KDM4B: variants seen among roughly 807,000 people sequenced by gnomAD.
KDM4B encodes lysine-specific demethylase 4B.
KDM4B carries 32 observed loss-of-function variants against 125.2 expected under a neutral mutation model. That is an observed-to-expected ratio of 0.26 (90% CI 0.19 to 0.34). The LOEUF is 0.34. Among genes scored for constraint, KDM4B ranks in the 10% least tolerant of loss-of-function variants. KDM4B has a pLI of 1.00. For synonymous variants in KDM4B, 721 were observed against 677.9 expected (o/e 1.06, Z -0.99); for missense variants, 1,190 against 1,577.7 (o/e 0.75, Z 4.16).
intron 1 of KDM4B, among the ~76,000 whole-genome samples, chr19:4,974,974 C>T (rs970703517): frequency 6.6e-6 from 1 of 152,102 alleles, no homozygotes; most frequent in African/African-American, 2.4e-5. Flanking sequence ...CCTGCCCGCC[C>T]TTCCCTGCCG....
At chr19:5,129,574 C>T (rs1456630138) in intron 11 of KDM4B, among the ~76,000 whole-genome samples, 2 of 152,042 alleles carry the variant, frequency 1.3e-5, no homozygotes, top group Non-Finnish European at 1.5e-5. Context: ...ATTTTTCCAG[C>T]CTGTTGGGGG....
intron 3 of KDM4B, among the ~76,000 whole-genome samples, chr19:5,034,145 C>G (rs997459476): frequency 9.2e-5 from 14 of 152,126 alleles, no homozygotes; most frequent in Non-Finnish European, 2.9e-5. Context: ...CAAAACAAAA[C>G]AAACTTAAAA....
At chr19:5,020,629 G>A (rs79328032) in intron 2 of KDM4B, among the ~76,000 whole-genome samples, 7,722 of 152,274 alleles carry the variant, frequency 0.051, 233 homozygotes, top group Admixed American at 0.089. Flanking sequence ...GGGGAAGGGG[G>A]TCCCACTGCA....
At chr19:4,980,580 C>A (rs1231089954) in intron 1 of KDM4B, among the ~76,000 whole-genome samples, 1 of 151,896 alleles carries the variant, frequency 6.6e-6, no homozygotes, top group Non-Finnish European at 1.5e-5. Flanking sequence ...CCTGCCACCA[C>A]ACCCGGCTAA....
At chr19:5,024,666 T>C (rs1323290631) in intron 2 of KDM4B, among the ~76,000 whole-genome samples, 1 of 151,108 alleles carries the variant, frequency 6.6e-6, no homozygotes, top group Admixed American at 6.6e-5. Context: ...AAAAAGGCTT[T>C]AAGGCCAGGT....
chr19:5,000,874 G>A (rs941419718), intron 1 of KDM4B, among the ~76,000 whole-genome samples: 24 of 152,148 alleles, frequency 1.6e-4, no homozygotes, highest in Non-Finnish European at 3.1e-4. Context: ...CATGGTTCCA[G>A]AGTCAGGACT....
At chr19:5,062,467 C>T (rs1385110321) in intron 6 of KDM4B, among the ~76,000 whole-genome samples, 16 of 152,178 alleles carry the variant, frequency 1.1e-4, no homozygotes, top group Admixed American at 1.0e-3. Flanking sequence ...GGGGTTTTAC[C>T]CAGGGAGGCA....
intron 10 of KDM4B, among the ~76,000 whole-genome samples, chr19:5,113,736 A>G (rs901210380): frequency 6.6e-6 from 1 of 152,144 alleles, no homozygotes; most frequent in Non-Finnish European, 1.5e-5. Flanking sequence ...ACAACCACAG[A>G]TGTCCCTAGA....
intron 1 of KDM4B, among the ~76,000 whole-genome samples, chr19:5,010,457 TG>T (rs2035692927): frequency 6.6e-6 from 1 of 152,234 alleles, no homozygotes; most frequent in African/African-American, 2.4e-5. Flanking sequence ...ACTTTGAGCC[TG>T]TGAACATGTC....
At position 5,135,527 on chromosome 19, in the gene KDM4B, C is replaced by A. The variant is rs764335907; in HGVS notation, c.2274C>A (p.Ile758=). Residue 758 remains isoleucine (I), a synonymous_variant, in exon 15 of 23, where the codon ATC becomes ATA. Coordinates refer to ENST00000159111, the MANE Select transcript of KDM4B (RefSeq NM_015015.3). ...YIGDDGTSPL[I]ACGKCCLQVH... is the part of the protein sequence containing the mutation. ...GCGACGACGGGACCAGCCCCCTGAT[C>A]GCCTGCGGCAAGTGCTGCCTGCAGG... The A allele has an allele frequency of 2.5e-6, 4 of 1,607,718 alleles. No homozygotes were observed. The South Asian group carries it at 3.3e-5, about 13-fold the overall frequency.
At chr19:5,094,697 G>A (rs930625530) in intron 9 of KDM4B, among the ~76,000 whole-genome samples, 4 of 152,162 alleles carry the variant, frequency 2.6e-5, no homozygotes, top group Non-Finnish European at 4.4e-5. Flanking sequence ...GCGCACAGAG[G>A]GACATGGAGG....
chr19:5,080,487 AAGTC>A (rs1291630789), intron 8 of KDM4B, among the ~76,000 whole-genome samples: 2 of 152,234 alleles, frequency 1.3e-5, no homozygotes, highest in African/African-American at 4.8e-5. Context: ...GCATCGGTAG[AAGTC>A]AGAGGCAGCC....
chr19:5,075,850 C>G (rs2145842379), intron 7 of KDM4B: 1 of 152,798 alleles, frequency 6.5e-6, no homozygotes, highest in East Asian at 1.9e-4. Context: ...CAGTTGGTGG[C>G]CCGGGCCTCG....
intron 5 of KDM4B, chr19:5,047,211 G>A (rs1568255205): frequency 2.3e-6 from 1 of 443,082 alleles, no homozygotes; most frequent in East Asian, 3.7e-5. Flanking sequence ...GACTGAGGCT[G>A]GAGGATTACC....
chr19:5,135,284 C>T (rs958536779), intron 14 of KDM4B, 55 bp from the exon 15 acceptor site: 92 of 1,313,892 alleles, frequency 7.0e-5, no homozygotes, highest in Middle Eastern at 3.9e-4. Context: ...CCGCGCCGCC[C>T]GCCCGCCTGC....
chr19:4,999,542 C>T (rs1430409818), intron 1 of KDM4B, among the ~76,000 whole-genome samples: 1 of 152,082 alleles, frequency 6.6e-6, no homozygotes, highest in African/African-American at 2.4e-5. Flanking sequence ...GCTTCTAGGT[C>T]CTCTAATCAG....
intron 11 of KDM4B, among the ~76,000 whole-genome samples, chr19:5,123,928 G>A (rs1340721766): frequency 1.3e-5 from 2 of 151,972 alleles, no homozygotes; most frequent in African/African-American, 4.8e-5. Flanking sequence ...GTCGCTGGAG[G>A]GACTGGCGTG....
At chr19:4,987,745 C>G (rs2034889644) in intron 1 of KDM4B, among the ~76,000 whole-genome samples, 1 of 152,094 alleles carries the variant, frequency 6.6e-6, no homozygotes, top group Non-Finnish European at 1.5e-5. Flanking sequence ...TTTTAAAGAC[C>G]TCTCTGGTGG....
chr19:5,013,548 G>A (rs951167159), intron 1 of KDM4B, among the ~76,000 whole-genome samples: 5 of 152,138 alleles, frequency 3.3e-5, no homozygotes, highest in Non-Finnish European at 5.9e-5. Flanking sequence ...GGAGGCTCCC[G>A]GAGACAGTCC....
Sources: allele counts gnomAD v4.1 joint callset (sites outside exome capture counted in the v4.1 genomes callset), GRCh38; gene constraint gnomAD v4.1.1; transcripts MANE v1.5; gene names NCBI Gene and HGNC (gene_info 2026-07-23, HGNC 2026-07-21).